GRID2: variants seen among roughly 807,000 people sequenced by gnomAD.
GRID2 encodes glutamate ionotropic receptor delta type subunit 2.
Under a neutral mutation model 114.8 loss-of-function variants are expected in GRID2, and 33 were observed. That is an observed-to-expected ratio of 0.29 (90% CI 0.22 to 0.38). The LOEUF (loss-of-function observed/expected upper bound fraction) is 0.38. Ranked by LOEUF, GRID2 falls within the 10% of genes least tolerant of loss-of-function variation. The probability of loss-of-function intolerance (pLI) is 1.00; values close to 1 mark genes in which losing one functional copy is unlikely to be tolerated. For synonymous variants in GRID2, 505 were observed against 449.9 expected, an observed-to-expected ratio of 1.12 and a Z score of -1.55; for missense variants, 1,184 against 1,257.7, an observed-to-expected ratio of 0.94 and a Z score of 0.89.
intron 4 of GRID2, among the ~76,000 whole-genome samples, chr4:93,201,914 A>G (rs1019962898): frequency 6.6e-6 from 1 of 151,788 alleles, no homozygotes; most frequent in African/African-American, 2.4e-5. Context: ...TCCTGACAGG[A>G]CTTGATTTTT....
intron 1 of GRID2, among the ~76,000 whole-genome samples, chr4:92,494,482 A>G (rs1560669495): frequency 6.6e-6 from 1 of 152,026 alleles, no homozygotes; most frequent in Non-Finnish European, 1.5e-5. Flanking sequence ...TCACATGAGA[A>G]AAATAATATT....
At chr4:92,718,927 T>A (rs982108878) in intron 2 of GRID2, among the ~76,000 whole-genome samples, 6 of 152,256 alleles carry the variant, frequency 3.9e-5, no homozygotes, top group African/African-American at 1.2e-4. Context: ...CTTACTTTTT[T>A]AAATCTCTTT....
chr4:92,638,467 G>A (rs1046798717), intron 2 of GRID2, among the ~76,000 whole-genome samples: 4 of 147,226 alleles, frequency 2.7e-5, no homozygotes, highest in African/African-American at 4.9e-5. Context: ...ATACATATAT[G>A]TATAATATAT....
At chr4:93,547,109 A>T (rs1376611986) in intron 13 of GRID2, among the ~76,000 whole-genome samples, 1 of 152,204 alleles carries the variant, frequency 6.6e-6, no homozygotes, top group Non-Finnish European at 1.5e-5. Flanking sequence ...CCTAGAGTTG[A>T]TAGAGAAAAC....
intron 3 of GRID2, among the ~76,000 whole-genome samples, chr4:93,094,082 C>T (rs1731003224): frequency 6.6e-6 from 1 of 151,838 alleles, no homozygotes; most frequent in Non-Finnish European, 1.5e-5. Flanking sequence ...AGAAAAAAGG[C>T]CTTCCAATAT....
rs569628646 is a variant in GRID2 at position 93,076,477 on chromosome 4, T to A, written c.245-8518T>A. 3.3e-5 allele frequency among the ~76,000 whole-genome samples: 5 copies of A among 152,176 alleles called. No homozygotes were observed. The East Asian group carries it at 9.7e-4, about 29-fold the overall frequency. ...AAAATGCGACAATGGTAAAAAGAATTCTCTTATATTCTTTACACTTTTCCT... is the reference window on the plus strand; with the variant it reads ...AAAATGCGACAATGGTAAAAAGAATACTCTTATATTCTTTACACTTTTCCT... On this transcript the variant is annotated intron_variant, in intron 2 of 15. Transcript: ENST00000282020.
intron 2 of GRID2, among the ~76,000 whole-genome samples, chr4:92,623,039 C>G (rs1174569551): frequency 6.6e-6 from 1 of 151,632 alleles, no homozygotes; most frequent in Admixed American, 6.6e-5. Flanking sequence ...AGATGAAAAA[C>G]TTGTTTTCTA....
At chr4:93,064,313 T>C (rs914731278) in intron 2 of GRID2, among the ~76,000 whole-genome samples, 3 of 151,708 alleles carry the variant, frequency 2.0e-5, no homozygotes, top group African/African-American at 7.2e-5. Context: ...CATTTTCTTT[T>C]TCTGCTTTGA....
intron 1 of GRID2, among the ~76,000 whole-genome samples, chr4:92,423,113 G>A (rs927747599): frequency 3.3e-5 from 5 of 152,100 alleles, no homozygotes; most frequent in African/African-American, 4.8e-5. Context: ...GAGCCAACGC[G>A]AGAAAAATGG....
At chr4:92,826,831 G>A (rs777673681) in intron 2 of GRID2, among the ~76,000 whole-genome samples, 3 of 152,004 alleles carry the variant, frequency 2.0e-5, no homozygotes, top group Admixed American at 6.6e-5. Flanking sequence ...GAAAGACTTA[G>A]GCAATCTGAT....
At chr4:92,572,991 A>C (rs1727706519) in intron 1 of GRID2, among the ~76,000 whole-genome samples, 1 of 152,112 alleles carries the variant, frequency 6.6e-6, no homozygotes, top group Non-Finnish European at 1.5e-5. Flanking sequence ...TTACTGCCTC[A>C]GTTTCAGAAC....
intron 2 of GRID2, among the ~76,000 whole-genome samples, chr4:93,060,270 A>G (rs747141605): frequency 9.9e-5 from 15 of 152,094 alleles, no homozygotes; most frequent in Non-Finnish European, 1.5e-4. Context: ...ATGTTGATTC[A>G]TTTGCTTTTT....
At chr4:93,340,290 A>G (rs2149245074) in intron 8 of GRID2, among the ~76,000 whole-genome samples, 1 of 147,778 alleles carries the variant, frequency 6.8e-6, no homozygotes, top group South Asian at 2.2e-4. Flanking sequence ...GAAGCTCCTA[A>G]ATTGGCCCAC....
chr4:93,121,956 C>T (rs1733820055), intron 4 of GRID2, among the ~76,000 whole-genome samples: 1 of 151,658 alleles, frequency 6.6e-6, no homozygotes, highest in Non-Finnish European at 1.5e-5. Flanking sequence ...AGTTATAGTC[C>T]CCCCTTCTTT....
intron 2 of GRID2, among the ~76,000 whole-genome samples, chr4:92,980,203 C>G (rs564998214): frequency 6.6e-6 from 1 of 151,838 alleles, no homozygotes; most frequent in Non-Finnish European, 1.5e-5. Context: ...TTTGTAGATT[C>G]TTGATTTGTT....
Position 93,772,544 on chromosome 4 carries a change from G to T in GRID2, c.*46G>T. On this transcript the variant is annotated 3_prime_UTR_variant, in exon 16 of 16. Transcript: ENST00000282020. ...CTGTTTCTTTTTTAGGACTCCCTTTGCAAGGAGCAACTGTAATATTGTGGG... is the reference window on the plus strand; with the variant it reads ...CTGTTTCTTTTTTAGGACTCCCTTTTCAAGGAGCAACTGTAATATTGTGGG... 1 of 1,321,066 alleles carries T rather than the reference G, an allele frequency of 7.6e-7. No homozygotes were observed. The allele number at this position is 1,321,066 out of a possible 1,614,324, so 81.8% of individuals were successfully genotyped here.
At chr4:92,401,178 G>T (rs1730771799) in intron 1 of GRID2, among the ~76,000 whole-genome samples, 1 of 152,042 alleles carries the variant, frequency 6.6e-6, no homozygotes, top group African/African-American at 2.4e-5. Context: ...AGGTCACAAG[G>T]TCAGATTCCT....
intron 2 of GRID2, among the ~76,000 whole-genome samples, chr4:92,741,470 G>A (rs933111897): frequency 6.6e-6 from 1 of 152,066 alleles, no homozygotes; most frequent in Non-Finnish European, 1.5e-5. Flanking sequence ...ATTCTTACTT[G>A]TATATGAAAT....
intron 1 of GRID2, among the ~76,000 whole-genome samples, chr4:92,452,841 C>A (rs1721001277): frequency 6.9e-6 from 1 of 144,104 alleles, no homozygotes; most frequent in Admixed American, 7.0e-5. Context: ...ATATATTTAC[C>A]ATATATATAT....
Sources: allele counts gnomAD v4.1 joint callset (sites outside exome capture counted in the v4.1 genomes callset), GRCh38; gene constraint gnomAD v4.1.1; transcripts MANE v1.5; gene names NCBI Gene and HGNC (gene_info 2026-07-23, HGNC 2026-07-21).